PRH1: variants seen among roughly 807,000 people sequenced by gnomAD.
PRH1 encodes salivary acidic proline-rich phosphoprotein 1/2.
In PRH1, 7 loss-of-function variants were observed where a neutral mutation model predicts 7.9. That is an observed-to-expected ratio of 0.89 (90% confidence interval 0.50 to 1.67). The LOEUF (loss-of-function observed/expected upper bound fraction) is 1.67. Ranked by LOEUF, PRH1 falls within the 40% of genes most tolerant of loss-of-function variation. The pLI is 0.00. For synonymous variants in PRH1, 45 were observed against 80.8 expected, an observed-to-expected ratio of 0.56 and a Z score of 2.38; for missense variants, 109 against 223.6, an observed-to-expected ratio of 0.49 and a Z score of 3.27.
At chr12:10,903,437 A>T (rs999041096) in intron 2 of PRH1, among the ~76,000 whole-genome samples, 1 of 152,090 alleles carries the variant, frequency 6.6e-6, no homozygotes, top group Non-Finnish European at 1.5e-5. Context: ...CACTGAGAAG[A>T]TTGGACAGAT....
At chr12:10,917,093 T>A (rs1259050766) in intron 2 of PRH1, among the ~76,000 whole-genome samples, 3 of 151,890 alleles carry the variant, frequency 2.0e-5, no homozygotes, top group African/African-American at 4.8e-5. Context: ...TTTAAATATA[T>A]GTATACATGG....
At chr12:11,057,027 G>T (rs117626425) in intron 1 of PRH1, among the ~76,000 whole-genome samples, 2,268 of 148,992 alleles carry the variant, frequency 0.015, 5 homozygotes, top group South Asian at 0.03. Flanking sequence ...TTTCTTCTTA[G>T]ACAGAGTCTC....
intron 2 of PRH1, among the ~76,000 whole-genome samples, chr12:10,934,251 C>G (rs1950254384): frequency 1.3e-5 from 2 of 152,204 alleles, no homozygotes; most frequent in South Asian, 4.1e-4. Context: ...TTCTCTTCAC[C>G]ACAAGAGTTT....
upstream of PRH1, among the ~76,000 whole-genome samples, chr12:10,888,287 T>C (rs1485537595): frequency 1.3e-5 from 2 of 152,206 alleles, no homozygotes; most frequent in East Asian, 1.9e-4. Flanking sequence ...CTTTGTCATG[T>C]AAGTTAATAT....
At chr12:11,171,153 GAGA>G (rs1947825449) in intron 1 of PRH1, 1 of 395,322 alleles carries the variant, frequency 2.5e-6, no homozygotes, top group Non-Finnish European at 4.5e-6. Context: ...ATGCCACAGT[GAGA>G]AGCAGACAGG....
chr12:11,035,557 A>C (rs1395563051), intron 1 of PRH1, among the ~76,000 whole-genome samples: 1 of 152,210 alleles, frequency 6.6e-6, no homozygotes, highest in Non-Finnish European at 1.5e-5. Flanking sequence ...CCTAAAACCA[A>C]GTTATTAAAA....
intron 1 of PRH1, among the ~76,000 whole-genome samples, chr12:11,041,194 A>T (rs1395153014): frequency 6.8e-6 from 1 of 147,074 alleles, no homozygotes; most frequent in Non-Finnish European, 1.5e-5. Context: ...AAAAAACTCC[A>T]ATCTGTTGCC....
intron 1 of PRH1, among the ~76,000 whole-genome samples, chr12:11,152,052 T>C (rs1947110970): frequency 6.6e-6 from 1 of 151,986 alleles, no homozygotes; most frequent in South Asian, 2.1e-4. Flanking sequence ...ATGTTTTTCT[T>C]TATTTTTCTT....
At chr12:10,899,135 G>C (rs993842742) in intron 2 of PRH1, among the ~76,000 whole-genome samples, 1 of 152,204 alleles carries the variant, frequency 6.6e-6, no homozygotes, top group Non-Finnish European at 1.5e-5. Context: ...ATCTTGGAAG[G>C]AAATAAATTG....
rs371495294 is a variant in PRH1, at chr12:11,030,872, G to A, written c.-126+16148C>T. On this transcript the variant is annotated intron_variant, in intron 1 of 3. Transcript: ENST00000539853. ...AGTCAAGTTTCCTTCATATTCTTTT[G>A]TCCGTACAATCTCTTTCATGTTTAT... The A allele has an allele frequency of 2.5e-6, 4 of 1,614,110 alleles. No individual in the cohort carries two copies. The Admixed American group carries it at 6.7e-5, about 27-fold the overall frequency.
chr12:11,139,385 A>G (rs1946644235), intron 1 of PRH1, among the ~76,000 whole-genome samples: 1 of 152,192 alleles, frequency 6.6e-6, no homozygotes, highest in Non-Finnish European at 1.5e-5. Flanking sequence ...CCTCCTGATT[A>G]TCCCAATTGT....
chr12:11,075,955 A>C (rs1219891189), intron 1 of PRH1, among the ~76,000 whole-genome samples: 1 of 120,912 alleles, frequency 8.3e-6, no homozygotes, highest in Admixed American at 8.3e-5. Flanking sequence ...AGTCCAGACA[A>C]AGCAAGACAG....
At chr12:11,033,678 C>CA (rs1395504887) in intron 1 of PRH1, among the ~76,000 whole-genome samples, 1 of 152,024 alleles carries the variant, frequency 6.6e-6, no homozygotes, top group Non-Finnish European at 1.5e-5. Context: ...CCTCATGTTG[C>CA]AACTAAATAA....
intron 1 of PRH1, among the ~76,000 whole-genome samples, chr12:11,035,871 T>C (rs993966596): frequency 6.6e-6 from 1 of 152,122 alleles, no homozygotes; most frequent in Non-Finnish European, 1.5e-5. Flanking sequence ...TATTCCATGA[T>C]TTAAATTTTA....
intron 1 of PRH1, among the ~76,000 whole-genome samples, chr12:11,163,439 ATAGTTTTTT>A (rs1210400151): frequency 2.0e-5 from 3 of 151,648 alleles, no homozygotes; most frequent in Non-Finnish European, 2.9e-5. Flanking sequence ...ATCCTACAAC[ATAGTTTTTT>A]TATCTCCAGA....
chr12:11,135,456 G>C (rs1268415718), intron 1 of PRH1, among the ~76,000 whole-genome samples: 1 of 126,042 alleles, frequency 7.9e-6, no homozygotes, highest in Non-Finnish European at 1.8e-5. Flanking sequence ...AAACTCTAAC[G>C]ACCTCCAAGA....
intron 1 of PRH1, among the ~76,000 whole-genome samples, chr12:11,071,461 CTT>C (rs1467335886): frequency 1.1e-3 from 173 of 152,254 alleles, no homozygotes; most frequent in Non-Finnish European, 1.9e-3. Context: ...CAGCCAGTCT[CTT>C]TGCCAGAGCC....
intron 1 of PRH1, among the ~76,000 whole-genome samples, chr12:11,147,352 T>C (rs959186171): frequency 6.6e-6 from 1 of 152,040 alleles, no homozygotes; most frequent in Non-Finnish European, 1.5e-5. Context: ...CACACACCGC[T>C]AATTTTTGTA....
At chr12:11,135,217 G>C (rs1156557222) in intron 1 of PRH1, among the ~76,000 whole-genome samples, 3 of 152,004 alleles carry the variant, frequency 2.0e-5, no homozygotes, top group African/African-American at 7.3e-5. Flanking sequence ...CCCATCACAC[G>C]AAGACTGACT....
Sources: allele counts gnomAD v4.1 joint callset (sites outside exome capture counted in the v4.1 genomes callset), GRCh38; gene constraint gnomAD v4.1.1; transcripts MANE v1.5; gene names NCBI Gene and HGNC (gene_info 2026-07-23, HGNC 2026-07-21).